Variants in BNC2 observed in about 807,000 individuals in gnomAD.
BNC2 encodes the protein zinc finger protein basonuclin-2.
Under a neutral mutation model 76.3 loss-of-function variants are expected in BNC2, and 20 were observed. That is an observed-to-expected ratio of 0.26 (90% CI 0.18 to 0.38). The LOEUF is 0.38. BNC2 is among the 10% of genes least tolerant of loss of function. The pLI, the probability that BNC2 is intolerant of heterozygous loss-of-function variation, is 1.00. For synonymous variants in BNC2, 582 were observed against 514.8 expected (o/e 1.13, Z -1.77); for missense variants, 1,382 against 1,399.8 (o/e 0.99, Z 0.20).
chr9:16,697,275 T>G (rs993511003), intron 3 of BNC2, among the ~76,000 whole-genome samples: 24 of 152,146 alleles, frequency 1.6e-4, no homozygotes, highest in African/African-American at 5.6e-4. Context: ...GGAGAATCGC[T>G]TGAACCAGGT....
At chr9:16,698,824 T>C (rs10962543) in intron 3 of BNC2, among the ~76,000 whole-genome samples, 12,107 of 152,264 alleles carry the variant, frequency 0.08, 717 homozygotes, top group South Asian at 0.24. Flanking sequence ...TATTCATACA[T>C]TGGTAGGTAC....
intron 1 of BNC2, among the ~76,000 whole-genome samples, chr9:16,769,129 G>A (rs1194368166): frequency 1.3e-5 from 2 of 152,202 alleles, no homozygotes; most frequent in Non-Finnish European, 1.5e-5. Flanking sequence ...TGCTGAGGCT[G>A]CAGCTTAAAC....
chr9:16,644,576 T>A (rs1821573763), intron 3 of BNC2, among the ~76,000 whole-genome samples: 1 of 152,172 alleles, frequency 6.6e-6, no homozygotes, highest in Middle Eastern at 3.2e-3. Context: ...ATCTTTTTCT[T>A]TAAGCTTATG....
intron 3 of BNC2, among the ~76,000 whole-genome samples, chr9:16,612,963 C>G (rs1820591429): frequency 6.6e-6 from 1 of 152,080 alleles, no homozygotes; most frequent in Non-Finnish European, 1.5e-5. Flanking sequence ...TTTCAACAAG[C>G]CAAGATGGGG....
intron 1 of BNC2, among the ~76,000 whole-genome samples, chr9:16,786,571 T>C (rs149781366): frequency 6.6e-6 from 1 of 152,248 alleles, no homozygotes; most frequent in East Asian, 1.9e-4. Flanking sequence ...AGATATGAAA[T>C]GTAAACCCTT....
At chr9:16,449,727 G>A (rs1452984057) in intron 5 of BNC2, among the ~76,000 whole-genome samples, 1 of 149,990 alleles carries the variant, frequency 6.7e-6, no homozygotes, top group Non-Finnish European at 1.5e-5. Flanking sequence ...CATATTTAAT[G>A]TTCTATGTTG....
In BNC2 at chr9:16,478,565, C is replaced by A. The variant is rs543296290; in HGVS notation, c.670-41041G>T. On this transcript the variant is annotated intron_variant, in intron 5 of 6. Transcript: ENST00000380672. ...CCTTTTTTTAGATGTAATCTATAAC[C>A]TAATTTCTGATCTTATTCTTCAATG... 1.1e-4 allele frequency among the ~76,000 whole-genome samples: 17 copies of A among 152,300 alleles called. No individual in the cohort carries two copies. In the South Asian group the frequency reaches 3.1e-3, roughly 28 times the overall value.
At position 16,614,467 on chromosome 9, in the gene BNC2, A is replaced by AG. The variant is rs1324503997; in HGVS notation, c.331-31383_331-31382insC. On this transcript the variant is annotated intron_variant, in intron 3 of 6. Coordinates refer to ENST00000380672, the MANE Select transcript of BNC2 (RefSeq NM_017637.6). ...CACTTGGAAAAACCTTTTCTTGAAA[A>AG]AAAAAAAAATCCAAAAAACTCCATC... 4.0e-5 allele frequency among the ~76,000 whole-genome samples: 6 copies of AG among 151,772 alleles called. No homozygotes were observed. In the East Asian group the frequency reaches 7.8e-4, roughly 20 times the overall value.
At position 16,418,662 on chromosome 9, in the gene BNC2, C is replaced by T. The variant is rs1198065503; in HGVS notation, c.*327G>A. The T allele has an allele frequency of 9.2e-6, 2 of 217,486 alleles. No individual in the cohort carries two copies. Among genetic ancestry groups the T allele is most frequent in the East Asian group, 1.2e-4 (1 of 8,554 alleles). 13.5% of individuals were successfully genotyped at this position (217,486 alleles called of 1,614,324 possible). On this transcript the variant is annotated 3_prime_UTR_variant, in exon 7 of 7. Coordinates refer to ENST00000380672, the MANE Select transcript of BNC2 (RefSeq NM_017637.6). ...TCTGTCAAAACTGGGGCTAGTTGCA[C>T]ACTGTGTGTGTGTGTGTGTGTGTGT...
chr9:16,573,812 C>T (rs910372533), intron 4 of BNC2, among the ~76,000 whole-genome samples: 1 of 152,078 alleles, frequency 6.6e-6, no homozygotes, highest in Non-Finnish European at 1.5e-5. Flanking sequence ...TGGGTATATG[C>T]GAACTAATAA....
At chr9:16,596,074 T>G (rs1399435380) in intron 3 of BNC2, among the ~76,000 whole-genome samples, 8 of 152,116 alleles carry the variant, frequency 5.3e-5, no homozygotes, top group Non-Finnish European at 2.9e-5. Flanking sequence ...AAATGGCTCG[T>G]AAGAACTCAA....
intron 3 of BNC2, among the ~76,000 whole-genome samples, chr9:16,668,284 G>A (rs1317441583): frequency 3.3e-5 from 5 of 152,140 alleles, no homozygotes. Flanking sequence ...TTCTTCTTAT[G>A]CATCTTTACA....
chr9:16,731,452 A>G (rs1824501209), intron 2 of BNC2, among the ~76,000 whole-genome samples: 1 of 152,166 alleles, frequency 6.6e-6, no homozygotes, highest in Non-Finnish European at 1.5e-5. Flanking sequence ...CCCCCACACC[A>G]CACCACATAA....
At chr9:16,756,990 C>CAA (rs66931262) in intron 1 of BNC2, among the ~76,000 whole-genome samples, 1 of 133,570 alleles carries the variant, frequency 7.5e-6, no homozygotes, top group African/African-American at 3.0e-5. Context: ...GACTCTGTCT[C>CAA]AAAAAAAAAA....
intron 1 of BNC2, among the ~76,000 whole-genome samples, chr9:16,798,816 C>T (rs1268907410): frequency 6.6e-6 from 1 of 152,064 alleles, no homozygotes; most frequent in Non-Finnish European, 1.5e-5. Context: ...AACATATGCC[C>T]ACAGAGAGCA....
At chr9:16,750,831 T>G (rs1825169748) in intron 1 of BNC2, among the ~76,000 whole-genome samples, 2 of 152,256 alleles carry the variant, frequency 1.3e-5, no homozygotes, top group African/African-American at 4.8e-5. Flanking sequence ...TTCAGAAATG[T>G]TGAAAAATTT....
At chr9:16,512,026 T>C (rs1190787187) in intron 5 of BNC2, among the ~76,000 whole-genome samples, 1 of 152,198 alleles carries the variant, frequency 6.6e-6, no homozygotes, top group Non-Finnish European at 1.5e-5. Context: ...AACCTACTTT[T>C]ATTTGTTTGA....
chr9:16,841,716 A>G (rs1326070126), intron 1 of BNC2, among the ~76,000 whole-genome samples: 1 of 152,244 alleles, frequency 6.6e-6, no homozygotes, highest in Non-Finnish European at 1.5e-5. Flanking sequence ...CTTCAAAATA[A>G]AAGATTAATC....
At chr9:16,733,525 C>G (rs940409603) in intron 2 of BNC2, among the ~76,000 whole-genome samples, 8 of 151,548 alleles carry the variant, frequency 5.3e-5, no homozygotes, top group Admixed American at 3.3e-4. Context: ...GATGGAAAGA[C>G]AGTAAAAAGT....
Sources: gnomAD v4.1 joint callset for allele counts (sites outside exome capture counted in the v4.1 genomes callset) on GRCh38, gnomAD v4.1.1 for gene constraint, MANE v1.5 for transcripts, NCBI Gene and HGNC (gene_info 2026-07-23, HGNC 2026-07-21) for gene names.